Variants in CARMIL1 observed in about 807,000 individuals in gnomAD.
CARMIL1 encodes F-actin-uncapping protein LRRC16A.
A neutral mutation model predicts 177.1 loss-of-function variants in CARMIL1; 90 were observed. The observed-to-expected ratio is 0.51, with a 90% CI of 0.43 to 0.61. CARMIL1 has a LOEUF of 0.61. CARMIL1 is among the 20% of genes least tolerant of loss of function. The pLI is 0.00. For synonymous variants in CARMIL1, 577 were observed against 606.2 expected (o/e 0.95, Z 0.71); for missense variants, 1,380 against 1,667.0 (o/e 0.83, Z 3.00).
At position 25,515,561 on chromosome 6, in the gene CARMIL1, A is replaced by C; in HGVS notation, c.1633-114A>C. The stretch of plus-strand genomic sequence containing the variant: ...CGAGTGTCTTTTAGGTAGTAGTTCT[A>C]AAATCAGACACGTGCAGTAGGTCCA... On this transcript the variant is annotated intron_variant, in intron 20 of 36. Coordinates refer to ENST00000329474, the MANE Select transcript of CARMIL1 (RefSeq NM_017640.6). This position sits in a 1 kb window ranked among gnomAD's most constrained non-coding sequence, Gnocchi z 5.0. 1.0e-6 allele frequency: 1 copy of C among 980,830 alleles called. No individual in the cohort carries two copies. Among genetic ancestry groups the C allele is most frequent in the South Asian group, 2.1e-5 (1 of 48,394 alleles). The allele number at this position is 980,830 out of a possible 1,614,324, so 60.8% of individuals were successfully genotyped here. A position where few individuals can be genotyped will look rare whatever the true frequency, so the allele number is the denominator to read the frequency against.
At position 25,279,499 on chromosome 6, in the gene CARMIL1, C is replaced by A. The variant is rs1313039085; in HGVS notation, c.-297C>A. 4.1e-6 allele frequency: 2 copies of A among 489,564 alleles called. No individual in the cohort carries two copies. Among genetic ancestry groups the A allele is most frequent in the Non-Finnish European group, 7.4e-6 (2 of 269,828 alleles). 30.3% of individuals were successfully genotyped at this position (489,564 alleles called of 1,614,324 possible). A position where few individuals can be genotyped will look rare whatever the true frequency, so the allele number is the denominator to read the frequency against. ...CGGGAGGAGGAGCAGGCGCCACAGCCGCCCCGCGCCCCGCGCCCGCTTGTA... is the reference window on the plus strand; with the variant it reads ...CGGGAGGAGGAGCAGGCGCCACAGCAGCCCCGCGCCCCGCGCCCGCTTGTA... On this transcript the variant is annotated 5_prime_UTR_variant, in exon 1 of 37. Coordinates refer to ENST00000329474, the MANE Select transcript of CARMIL1 (RefSeq NM_017640.6).
At chr6:25,505,412 C>T (rs112758138) in intron 17 of CARMIL1, among the ~76,000 whole-genome samples, 9 of 152,242 alleles carry the variant, frequency 5.9e-5, no homozygotes, top group South Asian at 2.1e-4. Context: ...GTAGTATTCC[C>T]ATGTACCCAA....
At chr6:25,513,012 C>T (rs1408280) in intron 20 of CARMIL1, among the ~76,000 whole-genome samples, 66,363 of 151,950 alleles carry the variant, frequency 0.44, 14,885 homozygotes, top group Middle Eastern at 0.52. Context: ...TAAATATGCA[C>T]GCAATTCAGG....
intron 2 of CARMIL1, among the ~76,000 whole-genome samples, chr6:25,322,988 C>T (rs926469004): frequency 6.6e-6 from 1 of 152,130 alleles, no homozygotes; most frequent in Non-Finnish European, 1.5e-5. Flanking sequence ...CAGAGGAGGG[C>T]TAGAATTGTG....
intron 29 of CARMIL1, chr6:25,563,336 C>CTTTCATTTAA (rs1811296078): frequency 1.0e-6 from 1 of 985,216 alleles, no homozygotes; most frequent in African/African-American, 1.7e-5. Context: ...AAGGTTTCCT[C>CTTTCATTTAA]TTTAATTTCT....
intron 5 of CARMIL1, among the ~76,000 whole-genome samples, chr6:25,448,423 T>C (rs1798446412): frequency 6.6e-6 from 1 of 152,212 alleles, no homozygotes; most frequent in Non-Finnish European, 1.5e-5. Flanking sequence ...TTCTCATCTT[T>C]GGGGGTGTGC....
chr6:25,425,435 C>T (rs1389255339), intron 3 of CARMIL1, among the ~76,000 whole-genome samples: 1 of 152,040 alleles, frequency 6.6e-6, no homozygotes, highest in African/African-American at 2.4e-5. Context: ...TTTATTCTAC[C>T]AACGTATCAT....
chr6:25,348,516 G>C (rs925723487), intron 2 of CARMIL1, among the ~76,000 whole-genome samples: 1 of 151,816 alleles, frequency 6.6e-6, no homozygotes, highest in Non-Finnish European at 1.5e-5. Context: ...GGGCGTGATG[G>C]CTCACGCCTG....
At chr6:25,349,941 A>G (rs890652706) in intron 2 of CARMIL1, among the ~76,000 whole-genome samples, 13 of 151,954 alleles carry the variant, frequency 8.6e-5, no homozygotes, top group Middle Eastern at 3.4e-3. Context: ...GTTGGCCAAG[A>G]TGGTCTCGAT....
In CARMIL1 at chr6:25,509,592, A is replaced by T; in HGVS notation, c.1396-64A>T. ...AGACTGACTGTCTCTCCTATTTTTA[A>T]TTTTTTGATTACATCTCCAGTAGAG... On this transcript the variant is annotated intron_variant, in intron 17 of 36. Transcript: ENST00000329474. This position sits in a 1 kb window ranked among gnomAD's most constrained non-coding sequence, Gnocchi z 4.1. The T allele has an allele frequency of 9.2e-7, 1 of 1,081,730 alleles. No individual in the cohort carries two copies. The highest frequency in any genetic ancestry group is 1.4e-5 in the South Asian group (1 of 70,134). 67.0% of individuals were successfully genotyped at this position (1,081,730 alleles called of 1,614,324 possible).
At chr6:25,583,819 C>G (rs1411173986) in intron 31 of CARMIL1, among the ~76,000 whole-genome samples, 1 of 151,214 alleles carries the variant, frequency 6.6e-6, no homozygotes, top group African/African-American at 2.5e-5. Context: ...GATAAAAAGA[C>G]AACCCCCCCC....
chr6:25,461,759 C>T (rs913363730), intron 8 of CARMIL1, among the ~76,000 whole-genome samples: 2 of 152,174 alleles, frequency 1.3e-5, no homozygotes, highest in African/African-American at 4.8e-5. Context: ...AAACTGTTTT[C>T]CCCATTGAGT....
intron 2 of CARMIL1, among the ~76,000 whole-genome samples, chr6:25,390,505 A>G (rs1042823271): frequency 6.6e-6 from 1 of 151,130 alleles, no homozygotes; most frequent in African/African-American, 2.4e-5. Flanking sequence ...ATTTTTTTGT[A>G]GAGATGGGGA....
chr6:25,340,511 C>T (rs1265393473), intron 2 of CARMIL1, among the ~76,000 whole-genome samples: 2 of 152,184 alleles, frequency 1.3e-5, no homozygotes, highest in Admixed American at 6.5e-5. Flanking sequence ...GGGTATGACA[C>T]TTAAAGAGAC....
chr6:25,536,552 T>C (rs1400355064), intron 24 of CARMIL1, among the ~76,000 whole-genome samples: 1 of 152,182 alleles, frequency 6.6e-6, no homozygotes, highest in Non-Finnish European at 1.5e-5. Context: ...TGGCCCTTTT[T>C]CAACAATAGG....
intron 31 of CARMIL1, among the ~76,000 whole-genome samples, chr6:25,585,652 T>C (rs972678280): frequency 1.3e-5 from 2 of 152,188 alleles, no homozygotes; most frequent in Admixed American, 6.5e-5. Context: ...CAGATAAATA[T>C]GTGAACAAGG....
intron 2 of CARMIL1, among the ~76,000 whole-genome samples, chr6:25,306,270 C>T (rs372984804): frequency 1.2e-4 from 18 of 152,258 alleles, no homozygotes; most frequent in African/African-American, 4.1e-4. Flanking sequence ...GTTCCATGAC[C>T]TTTTAGGAAC....
intron 17 of CARMIL1, among the ~76,000 whole-genome samples, chr6:25,502,557 A>G (rs1804500096): frequency 6.6e-6 from 1 of 151,730 alleles, no homozygotes; most frequent in Non-Finnish European, 1.5e-5. Context: ...ATCTCAAAAA[A>G]AAAAAAAAAG....
intron 2 of CARMIL1, chr6:25,287,631 C>T (rs370849773): frequency 3.9e-5 from 6 of 152,332 alleles, no homozygotes; most frequent in Admixed American, 2.6e-4. Flanking sequence ...CCCACTACAA[C>T]GCTATGAGGT....
Sources: gnomAD v4.1 joint callset for allele counts (sites outside exome capture counted in the v4.1 genomes callset) on GRCh38, gnomAD v4.1.1 for gene constraint, Gnocchi (gnomAD v3.1) non-coding constraint, MANE v1.5 for transcripts, NCBI Gene and HGNC (gene_info 2026-07-23, HGNC 2026-07-21) for gene names.